The following SDC3 variants were observed in gnomAD, a reference collection of about 807,000 sequenced individuals.
The protein encoded by SDC3 is syndecan 3, also known as syndecan-3.
Under a neutral mutation model 24.4 loss-of-function variants are expected in SDC3, and 13 were observed. That is an observed-to-expected ratio of 0.53 (90% CI 0.35 to 0.85). The LOEUF (loss-of-function observed/expected upper bound fraction) is 0.85. Ranked by LOEUF, SDC3 falls within the 40% of genes least tolerant of loss-of-function variation. The pLI, the probability that SDC3 is intolerant of heterozygous loss-of-function variation, is 0.01. For synonymous variants in SDC3, 295 were observed against 260.9 expected, an observed-to-expected ratio of 1.13 and a Z score of -1.26; for missense variants, 571 against 584.5, an observed-to-expected ratio of 0.98 and a Z score of 0.24.
chr1:30,894,160 CGTGT>C (rs35024291), intron 1 of SDC3, among the ~76,000 whole-genome samples: 1 of 149,678 alleles, frequency 6.7e-6, no homozygotes, highest in Admixed American at 6.7e-5. Flanking sequence ...TGTGAGTGTG[CGTGT>C]GTGTGAGTGG....
chr1:30,877,224 G>A, intron 2 of SDC3, 59 bp from the exon 3 acceptor site: 1 of 1,607,170 alleles, frequency 6.2e-7, no homozygotes, highest in Non-Finnish European at 8.5e-7. Context: ...AGGGGCATGA[G>A]GATCCCAGGT....
At chr1:30,894,630 A>G (rs1450321632) in intron 1 of SDC3, among the ~76,000 whole-genome samples, 1 of 25,902 alleles carries the variant, frequency 3.9e-5, no homozygotes, top group African/African-American at 1.1e-4. Context: ...TGTGGGTGAG[A>G]GTGTGTGGGT....
intron 2 of SDC3, chr1:30,877,680 C>A (rs1008265892): frequency 3.0e-5 from 5 of 167,168 alleles, no homozygotes; most frequent in East Asian, 1.7e-4. Context: ...CTGGCTGACG[C>A]AAAGCCGGGA....
At chr1:30,886,256 CA>C (rs2124324858) in intron 1 of SDC3, among the ~76,000 whole-genome samples, 1 of 152,230 alleles carries the variant, frequency 6.6e-6, no homozygotes, top group East Asian at 1.9e-4. Flanking sequence ...TCAGTAAAAC[CA>C]ATGGTTATTA....
At position 30,886,249 on chromosome 1, in the gene SDC3, G is replaced by A. The variant is rs145803689; in HGVS notation, c.139-7509C>T. Among the ~76,000 whole-genome samples, 151 of 152,204 alleles carry A rather than the reference G, an allele frequency of 9.9e-4. 2 individuals are homozygous for A. The East Asian group carries it at 0.027, about 27-fold the overall frequency. ...CAGCACCTACTCAGCTGGTTAATCA[G>A]TAAAACCAATGGTTATTAAGCTCCT... On this transcript the variant is annotated intron_variant, in intron 1 of 4. Coordinates refer to ENST00000339394, the MANE Select transcript of SDC3 (RefSeq NM_014654.4).
chr1:30,894,538 G>A (rs1639968251), intron 1 of SDC3, among the ~76,000 whole-genome samples: 1 of 143,778 alleles, frequency 7.0e-6, no homozygotes, highest in African/African-American at 2.6e-5. Context: ...GTGAGAGTGT[G>A]CGTGGATGAG....
rs759430322 is a variant in SDC3 at position 30,876,735 on chromosome 1, C to T, written c.687G>A (p.Ala229=). Residue 229 remains alanine (A), a synonymous_variant, in exon 3 of 5, where the codon GCG becomes GCA. Coordinates refer to ENST00000339394, the MANE Select transcript of SDC3 (RefSeq NM_014654.4). The part of the protein sequence containing the change: ...VATARATTPE[A]PSPPTTAAVL... ...CAGCCGCCGTGGTGGGCGGGGAGGG[C>T]GCCTCGGGGGTAGTGGCCCGTGCCG... The T allele has an allele frequency of 1.4e-5, 23 of 1,589,794 alleles. No homozygotes were observed. Among genetic ancestry groups the T allele is most frequent in the Middle Eastern group, 3.4e-4 (2 of 5,934 alleles).
Position 30,872,955 on chromosome 1 carries a change from A to T in SDC3, c.*256T>A. On this transcript the variant is annotated 3_prime_UTR_variant, in exon 5 of 5. Transcript: ENST00000339394. ...CCCATCCATCTGACATGAGGTCCTG[A>T]AGCCCCAGACTGGTGGCAGGGATGA... 1 of 492,788 alleles carries T rather than the reference A, an allele frequency of 2.0e-6. No individual in the cohort carries two copies. Among genetic ancestry groups the T allele is most frequent in the South Asian group, 3.3e-5 (1 of 30,294 alleles). 30.5% of individuals were successfully genotyped at this position (492,788 alleles called of 1,614,324 possible). A position where few individuals can be genotyped will look rare whatever the true frequency, so the allele number is the denominator to read the frequency against.
intron 1 of SDC3, among the ~76,000 whole-genome samples, chr1:30,894,377 TGA>T (rs1194402168): frequency 5.5e-5 from 5 of 91,036 alleles, no homozygotes; most frequent in African/African-American, 1.4e-4. Flanking sequence ...TGTGTGTGGG[TGA>T]GAGTGTGAGT....
intron 4 of SDC3, among the ~76,000 whole-genome samples, chr1:30,873,797 A>AT (rs1386624123): frequency 6.6e-6 from 1 of 152,170 alleles, no homozygotes; most frequent in African/African-American, 2.4e-5. Flanking sequence ...GACTATCCCC[A>AT]TTCTACCGAT....
intron 1 of SDC3, among the ~76,000 whole-genome samples, chr1:30,888,083 A>G (rs1570010788): frequency 6.6e-6 from 1 of 152,254 alleles, no homozygotes; most frequent in South Asian, 2.1e-4. Flanking sequence ...CCATTTCTCA[A>G]CCAGGACTGG....
chr1:30,878,588 TG>T (rs758588729), intron 2 of SDC3, 34 bp downstream of exon 2: 1 of 1,545,450 alleles, frequency 6.5e-7, no homozygotes, highest in Admixed American at 1.7e-5. Flanking sequence ...GACTGGTCAC[TG>T]CCCCCAGGCA....
chr1:30,909,485 T>G (rs1291097534), upstream of SDC3, among the ~76,000 whole-genome samples: 1 of 152,156 alleles, frequency 6.6e-6, no homozygotes, highest in Non-Finnish European at 1.5e-5. Context: ...CCCCCTCCAG[T>G]GCAGGATGGC....
At chr1:30,902,597 TG>T (rs1486105718) in intron 1 of SDC3, among the ~76,000 whole-genome samples, 8 of 152,182 alleles carry the variant, frequency 5.3e-5, no homozygotes, top group African/African-American at 1.9e-4. Flanking sequence ...GACAGGGGTT[TG>T]GGGGGATGAT....
intron 1 of SDC3, among the ~76,000 whole-genome samples, chr1:30,900,167 C>T (rs1638384921): frequency 6.6e-6 from 1 of 152,168 alleles, no homozygotes. Flanking sequence ...CTCAACCTCT[C>T]AGGGCCTCTG....
chr1:30,876,335 T>C (rs1209542075), intron 3 of SDC3, among the ~76,000 whole-genome samples: 1 of 152,074 alleles, frequency 6.6e-6, no homozygotes, highest in Non-Finnish European at 1.5e-5. Flanking sequence ...CCCACCAATG[T>C]CCCATCCCAT....
At chr1:30,885,986 C>A (rs1365954388) in intron 1 of SDC3, among the ~76,000 whole-genome samples, 1 of 152,182 alleles carries the variant, frequency 6.6e-6, no homozygotes, top group African/African-American at 2.4e-5. Context: ...CCTCTCACGT[C>A]ACTCTTGGCC....
At chr1:30,906,152 C>A (rs574581364) in intron 1 of SDC3, among the ~76,000 whole-genome samples, 1 of 152,308 alleles carries the variant, frequency 6.6e-6, no homozygotes, top group Non-Finnish European at 1.5e-5. Context: ...CCCTCTGGTG[C>A]GGAACCCCGG....
At chr1:30,884,646 G>A (rs1320613474) in intron 1 of SDC3, among the ~76,000 whole-genome samples, 3 of 152,002 alleles carry the variant, frequency 2.0e-5, no homozygotes, top group Non-Finnish European at 2.9e-5. Flanking sequence ...TGGCTCAGGC[G>A]CCCACAGCCT....
Sources: gnomAD v4.1 joint callset for allele counts (sites outside exome capture counted in the v4.1 genomes callset) on GRCh38, gnomAD v4.1.1 for gene constraint, MANE v1.5 for transcripts, NCBI Gene and HGNC (gene_info 2026-07-23, HGNC 2026-07-21) for gene names.